USP32: variants seen among roughly 807,000 people sequenced by gnomAD.
USP32 encodes the protein ubiquitin specific peptidase 32, also known as ubiquitin carboxyl-terminal hydrolase 32.
In USP32, 59 loss-of-function variants were observed where a neutral mutation model predicts 204.8. That is an observed-to-expected ratio of 0.29 (90% CI 0.23 to 0.36). USP32 has a LOEUF of 0.36. USP32 is among the 10% of genes least tolerant of loss of function. The pLI, the probability that USP32 is intolerant of heterozygous loss-of-function variation, is 1.00. For synonymous variants in USP32, 517 were observed against 678.4 expected (o/e 0.76, Z 3.70); for missense variants, 1,160 against 1,946.4 (o/e 0.60, Z 7.60).
intron 12 of USP32, among the ~76,000 whole-genome samples, chr17:60,230,536 T>C (rs1230240604): frequency 2.0e-5 from 3 of 152,264 alleles, no homozygotes; most frequent in African/African-American, 4.8e-5. Context: ...GCTTTTAACA[T>C]GGTACAGTGA....
At chr17:60,210,039 AACAATT>A (rs1316581395) in intron 21 of USP32, among the ~76,000 whole-genome samples, 1 of 152,068 alleles carries the variant, frequency 6.6e-6, no homozygotes, top group Non-Finnish European at 1.5e-5. Context: ...TGTTGTCTTC[AACAATT>A]ACATTTTCTG....
chr17:60,272,653 C>T (rs566560247), intron 5 of USP32, among the ~76,000 whole-genome samples: 11 of 152,244 alleles, frequency 7.2e-5, no homozygotes, highest in African/African-American at 1.2e-4. Context: ...CAGCATAGAA[C>T]GGTGAACCTT....
intron 1 of USP32, among the ~76,000 whole-genome samples, chr17:60,404,039 CAAA>C (rs76866814): frequency 1.7e-4 from 17 of 101,490 alleles, no homozygotes; most frequent in Non-Finnish European, 1.7e-4. Flanking sequence ...GACCCTGCCT[CAAA>C]AAAAAAAAAA....
Position 60,362,852 on chromosome 17 carries a change from CA to C in USP32, c.59-17245del, listed in dbSNP as rs534424154. On this transcript the variant is annotated intron_variant, in intron 1 of 33. Transcript: ENST00000300896. ...TCCCTCAGGAGAGGAAAAAAAAAAA[CA>C]AAAAACACCTTAGTCAAAAGGCAGC... 2.2e-3 allele frequency among the ~76,000 whole-genome samples: 320 copies of C among 148,556 alleles called. 1 individual carries two copies. Among genetic ancestry groups the C allele is most frequent in the African/African-American group, 7.5e-3 (306 of 40,694 alleles).
intron 5 of USP32, among the ~76,000 whole-genome samples, chr17:60,285,506 CA>C (rs2087088606): frequency 6.6e-6 from 1 of 152,110 alleles, no homozygotes; most frequent in South Asian, 2.1e-4. Flanking sequence ...ATTCAGTCAA[CA>C]AATACTTATT....
At chr17:60,403,964 T>C (rs1463434142) in intron 1 of USP32, among the ~76,000 whole-genome samples, 1 of 151,496 alleles carries the variant, frequency 6.6e-6, no homozygotes, top group Non-Finnish European at 1.5e-5. Context: ...TTGCTTGAGC[T>C]TGGGAGTCAA....
At chr17:60,363,236 C>T (rs1051286374) in intron 1 of USP32, among the ~76,000 whole-genome samples, 2 of 151,812 alleles carry the variant, frequency 1.3e-5, no homozygotes, top group East Asian at 1.9e-4. Context: ...GGGCAGATTG[C>T]CTGAGCTCAG....
Position 60,211,616 on chromosome 17 carries a change from T to C in USP32, c.2180-102A>G. The C allele has an allele frequency of 1.0e-5, 15 of 1,484,552 alleles. No homozygotes were observed. The South Asian group carries it at 2.1e-4, about 21-fold the overall frequency. The allele number at this position is 1,484,552 out of a possible 1,614,324, so 92.0% of individuals were successfully genotyped here. A position where few individuals can be genotyped will look rare whatever the true frequency, so the allele number is the denominator to read the frequency against. On this transcript the variant is annotated intron_variant, in intron 19 of 33. Coordinates refer to ENST00000300896, the MANE Select transcript of USP32 (RefSeq NM_032582.4). ...AAAAGGTTTTTTATAACTCTCATAATCAGCTAAATGGTGCTAATAATTCTC... is the reference window on the plus strand; with the variant it reads ...AAAAGGTTTTTTATAACTCTCATAACCAGCTAAATGGTGCTAATAATTCTC...
At chr17:60,320,279 T>C (rs1199188615) in intron 2 of USP32, among the ~76,000 whole-genome samples, 1 of 152,150 alleles carries the variant, frequency 6.6e-6, no homozygotes, top group Non-Finnish European at 1.5e-5. Context: ...AACTTCTAAA[T>C]AAATACCCCA....
intron 12 of USP32, among the ~76,000 whole-genome samples, chr17:60,232,607 C>T (rs1450415145): frequency 2.7e-5 from 4 of 147,274 alleles, no homozygotes; most frequent in African/African-American, 5.1e-5. Context: ...AGTGCAGTGG[C>T]ATCATCTTGG....
In USP32 at chr17:60,207,079, A is replaced by G; in HGVS notation, c.2979T>C (p.Cys993=). 1 of 1,613,390 alleles carries G rather than the reference A, an allele frequency of 6.2e-7. No individual in the cohort carries two copies. The highest frequency in any genetic ancestry group is 1.7e-5 in the Admixed American group (1 of 59,980). ...ACACAGGGACAGGAATTTCAAATGC[A>G]CACAAAAATCCACTCACTGAGAGTC... ...KVRLSVSGFL[C]AFEIPVPVSP... The change falls in exon 25 of 34, where the codon TGT becomes TGC. Residue 993 remains cysteine, a synonymous_variant. Transcript: ENST00000300896.
intron 28 of USP32, among the ~76,000 whole-genome samples, chr17:60,190,945 T>G (rs1726092405): frequency 6.6e-6 from 1 of 152,210 alleles, no homozygotes; most frequent in African/African-American, 2.4e-5. Flanking sequence ...CAGGAAGATG[T>G]GAACTTTATG....
chr17:60,254,311 C>T (rs530267329), intron 10 of USP32, among the ~76,000 whole-genome samples: 15 of 152,182 alleles, frequency 9.9e-5, no homozygotes, highest in Non-Finnish European at 7.4e-5. Context: ...TTCCTTCTTT[C>T]CTTCCCACTT....
intron 21 of USP32, among the ~76,000 whole-genome samples, chr17:60,209,791 T>C (rs1212798294): frequency 6.6e-6 from 1 of 152,316 alleles, no homozygotes; most frequent in Non-Finnish European, 1.5e-5. Context: ...TTCAGTATTA[T>C]GTAAGCAAAC....
At chr17:60,338,348 A>G (rs2088575553) in intron 2 of USP32, among the ~76,000 whole-genome samples, 1 of 151,766 alleles carries the variant, frequency 6.6e-6, no homozygotes, top group African/African-American at 2.4e-5. Context: ...AAAATACTAC[A>G]TAGAAATGTT....
intron 5 of USP32, among the ~76,000 whole-genome samples, chr17:60,279,590 A>C (rs990844866): frequency 6.6e-5 from 10 of 151,664 alleles, no homozygotes; most frequent in African/African-American, 2.2e-4. Context: ...TAATCCTATC[A>C]CTTTGGGAGG....
At chr17:60,275,914 TAA>T (rs763663202) in intron 5 of USP32, among the ~76,000 whole-genome samples, 14 of 139,404 alleles carry the variant, frequency 1.0e-4, no homozygotes, top group Admixed American at 2.2e-4. Flanking sequence ...TGTCTCTATT[TAA>T]AAAAAAAAAA....
intron 10 of USP32, among the ~76,000 whole-genome samples, chr17:60,253,362 G>C (rs746700846): frequency 6.6e-6 from 1 of 151,306 alleles, no homozygotes; most frequent in Non-Finnish European, 1.5e-5. Context: ...CATACAAAAA[G>C]TTCGTACACT....
chr17:60,223,684 G>C, intron 13 of USP32, 98 bp from the exon 14 acceptor site: 1 of 1,031,466 alleles, frequency 9.7e-7, no homozygotes, highest in Non-Finnish European at 1.4e-6. Context: ...GTATTACTCT[G>C]TTGACATGTC....
Sources: allele counts gnomAD v4.1 joint callset (sites outside exome capture counted in the v4.1 genomes callset), GRCh38; gene constraint gnomAD v4.1.1; transcripts MANE v1.5; gene names NCBI Gene and HGNC (gene_info 2026-07-23, HGNC 2026-07-21).